RHOQ: variants seen among roughly 807,000 people sequenced by gnomAD.
RHOQ encodes ras homolog family member Q.
Under a neutral mutation model 25.8 loss-of-function variants are expected in RHOQ, and 7 were observed. The observed-to-expected ratio is 0.27, with a 90% CI of 0.15 to 0.51. The LOEUF (loss-of-function observed/expected upper bound fraction) is 0.51. Ranked by LOEUF, RHOQ falls within the 20% of genes least tolerant of loss-of-function variation. The pLI is 0.97. For missense variants in RHOQ, 165 were observed against 260.6 expected, an observed-to-expected ratio of 0.63 and a Z score of 2.53; for synonymous variants, 97 against 98.6, an observed-to-expected ratio of 0.98 and a Z score of 0.10.
At chr2:46,563,557 G>A (rs367642074) in intron 2 of RHOQ, among the ~76,000 whole-genome samples, 195 of 152,310 alleles carry the variant, frequency 1.3e-3, no homozygotes, top group African/African-American at 4.5e-3. Flanking sequence ...AGGCAGGGGA[G>A]GGGAGGGCAT....
chr2:46,577,228 T>C (rs1239139597), intron 4 of RHOQ: 1 of 152,170 alleles, frequency 6.6e-6, no homozygotes, highest in Non-Finnish European at 1.5e-5. Context: ...TCTAAAAATA[T>C]ATGTAACAGT....
intron 2 of RHOQ, among the ~76,000 whole-genome samples, chr2:46,561,648 G>A (rs1350190871): frequency 1.3e-5 from 2 of 151,928 alleles, no homozygotes; most frequent in Admixed American, 6.6e-5. Flanking sequence ...TTTGTCAAGG[G>A]CAGATGTATT....
chr2:46,543,640 C>A, intron 1 of RHOQ, 114 bp from the exon 2 acceptor site: 1 of 845,408 alleles, frequency 1.2e-6, no homozygotes, highest in Non-Finnish European at 1.9e-6. Flanking sequence ...TCGCGGGGAG[C>A]GCCCCCACGC....
At chr2:46,563,419 A>G (rs541424592) in intron 2 of RHOQ, among the ~76,000 whole-genome samples, 1 of 152,318 alleles carries the variant, frequency 6.6e-6, no homozygotes, top group East Asian at 1.9e-4. Context: ...GTAAAGTTAC[A>G]TAGGCTGTAG....
chr2:46,562,446 C>T (rs879342052), intron 2 of RHOQ, among the ~76,000 whole-genome samples: 4 of 152,230 alleles, frequency 2.6e-5, no homozygotes, highest in Non-Finnish European at 5.9e-5. Context: ...TCTATCTGTA[C>T]TGTTGCTTCT....
Position 46,582,965 on chromosome 2 carries a change from A to G in RHOQ, c.*1882A>G, listed in dbSNP as rs1039440059. 1 of 152,202 alleles carries G rather than the reference A, an allele frequency of 6.6e-6. No homozygotes were observed. Among genetic ancestry groups the G allele is most frequent in the Non-Finnish European group, 1.5e-5 (1 of 68,004 alleles). The allele number at this position is 152,202 out of a possible 1,614,324, so 9.4% of individuals were successfully genotyped here. ...AGTATCATGGCCTTATGTATGCTCA[A>G]ATGGAATCTTATGTAACTTTCTTAT... On this transcript the variant is annotated 3_prime_UTR_variant, in exon 5 of 5. Coordinates refer to ENST00000238738, the MANE Select transcript of RHOQ (RefSeq NM_012249.4).
chr2:46,563,853 A>G lies in RHOQ; in HGVS notation c.202-12234A>G, dbSNP rs537373895. 7.3e-5 allele frequency among the ~76,000 whole-genome samples: 11 copies of G among 151,688 alleles called. No individual in the cohort carries two copies. In the South Asian group the frequency reaches 1.5e-3, roughly 20 times the overall value. On this transcript the variant is annotated intron_variant, in intron 2 of 4. Transcript: ENST00000238738. Reference sequence around the variant, plus strand: ...TTCTTAATGGAGACAGGGTCTCCCTATGTTGCCCAGGCTGGTCTCAAACTG... The same window carrying G: ...TTCTTAATGGAGACAGGGTCTCCCTGTGTTGCCCAGGCTGGTCTCAAACTG...
chr2:46,560,840 G>A (rs539173669), intron 2 of RHOQ, among the ~76,000 whole-genome samples: 1 of 152,244 alleles, frequency 6.6e-6, no homozygotes, highest in South Asian at 2.1e-4. Context: ...TTACATTGCA[G>A]TCACCTTGAT....
In RHOQ at chr2:46,555,762, T is replaced by A. The variant is rs991455331; in HGVS notation, c.201+11950T>A. On this transcript the variant is annotated intron_variant, in intron 2 of 4. Coordinates refer to ENST00000238738, the MANE Select transcript of RHOQ (RefSeq NM_012249.4). This position sits in a 1 kb window ranked among gnomAD's most constrained non-coding sequence, Gnocchi z 4.3. The stretch of plus-strand genomic sequence containing the variant: ...TGTCAGGTGTGCTTCCAGAGTGGCC[T>A]GTGGCCCTCTGTGATAAGTCGGTAG... Among the ~76,000 whole-genome samples the A allele has an allele frequency of 1.3e-5, 2 of 152,212 alleles. No homozygotes were observed. The highest frequency in any genetic ancestry group is 4.8e-5 in the African/African-American group (2 of 41,456).
In RHOQ at chr2:46,546,466, A is replaced by ATATATG. The variant is rs1558680302; in HGVS notation, c.201+2659_201+2660insGTATAT. 4.4e-3 allele frequency among the ~76,000 whole-genome samples: 25 copies of ATATATG among 5,714 alleles called. 2 individuals are homozygous for ATATATG. Among genetic ancestry groups the ATATATG allele is most frequent in the Non-Finnish European group, 8.4e-3 (21 of 2,502 alleles). 3.7% of individuals were successfully genotyped at this position (5,714 alleles called of 152,430 possible). ...TACACATATACATATATATATATATATATATATGTGTATATATATATATAT... is the reference window on the plus strand; with the variant it reads ...TACACATATACATATATATATATATATATATGTATATATGTGTATATATATATATAT... On this transcript the variant is annotated intron_variant, in intron 2 of 4. Coordinates refer to ENST00000238738, the MANE Select transcript of RHOQ (RefSeq NM_012249.4).
At chr2:46,543,275 C>T in intron 1 of RHOQ, 87 bp downstream of exon 1, 1 of 1,473,398 alleles carries the variant, frequency 6.8e-7, no homozygotes, top group Non-Finnish European at 9.4e-7. Context: ...GCCGCCTCCC[C>T]AGAGCGCACT....
At chr2:46,575,881 T>C (rs983789383) in intron 2 of RHOQ, among the ~76,000 whole-genome samples, 2 of 152,232 alleles carry the variant, frequency 1.3e-5, no homozygotes, top group African/African-American at 4.8e-5. Context: ...GTTAATGATA[T>C]TGTCATTTTT....
chr2:46,577,839 G>A (rs545907393), intron 4 of RHOQ, among the ~76,000 whole-genome samples: 1 of 152,046 alleles, frequency 6.6e-6, no homozygotes, highest in South Asian at 2.1e-4. Flanking sequence ...GAAATTCCAT[G>A]TATTCAGTTT....
intron 2 of RHOQ, among the ~76,000 whole-genome samples, chr2:46,574,420 T>C (rs931592840): frequency 2.0e-5 from 3 of 152,102 alleles, no homozygotes; most frequent in African/African-American, 7.2e-5. Flanking sequence ...TCAATTGTAC[T>C]GTTTAACACA....
At chr2:46,557,966 G>A (rs913126066) in intron 2 of RHOQ, among the ~76,000 whole-genome samples, 2 of 152,190 alleles carry the variant, frequency 1.3e-5, no homozygotes, top group African/African-American at 4.8e-5. Flanking sequence ...GAGCCATGTA[G>A]TGTACTATGA....
rs1668058762 is a variant in RHOQ, at chr2:46,546,478, A to ATATATATATATATATATG, written c.201+2683_201+2684insGTATATATATATATATAT. ...TATATATATATATATATATATGTGT[A>ATATATATATATATATATG]TATATATATATATATATATATATAT... On this transcript the variant is annotated intron_variant, in intron 2 of 4. Transcript: ENST00000238738. Among the ~76,000 whole-genome samples the ATATATATATATATATATG allele has an allele frequency of 3.5e-4, 4 of 11,440 alleles. 1 individual carries two copies. The highest frequency in any genetic ancestry group is 6.3e-4 in the Non-Finnish European group (4 of 6,374). The allele number at this position is 11,440 out of a possible 152,430, so 7.5% of individuals were successfully genotyped here. A position where few individuals can be genotyped will look rare whatever the true frequency, so the allele number is the denominator to read the frequency against.
chr2:46,560,378 A>G (rs950447654), intron 2 of RHOQ: 1 of 311,520 alleles, frequency 3.2e-6, no homozygotes, highest in Admixed American at 4.0e-5. Flanking sequence ...AGATAAATGC[A>G]TACGTTCAGT....
In RHOQ at chr2:46,576,391, T is replaced by G; in HGVS notation, c.366+140T>G. 1.0e-6 allele frequency: 1 copy of G among 956,814 alleles called. No homozygotes were observed. The highest frequency in any genetic ancestry group is 1.6e-6 in the Non-Finnish European group (1 of 642,258). The allele number at this position is 956,814 out of a possible 1,614,324, so 59.3% of individuals were successfully genotyped here. On this transcript the variant is annotated intron_variant, in intron 3 of 4. Coordinates refer to ENST00000238738, the MANE Select transcript of RHOQ (RefSeq NM_012249.4). This position sits in a 1 kb window ranked among gnomAD's most constrained non-coding sequence, Gnocchi z 5.1. ...CTGCAAGTTAATGAGTTCTATCATATTTTTGGAAAAAATTGTGCCAAAAGA... is the reference window on the plus strand; with the variant it reads ...CTGCAAGTTAATGAGTTCTATCATAGTTTTGGAAAAAATTGTGCCAAAAGA...
At chr2:46,564,453 C>T (rs972659724) in intron 2 of RHOQ, among the ~76,000 whole-genome samples, 1 of 152,234 alleles carries the variant, frequency 6.6e-6, no homozygotes, top group African/African-American at 2.4e-5. Context: ...AGGGCCTGTT[C>T]TGTGCAAGCA....
Sources: allele counts gnomAD v4.1 joint callset (sites outside exome capture counted in the v4.1 genomes callset), GRCh38; gene constraint gnomAD v4.1.1; non-coding constraint Gnocchi (gnomAD v3.1); transcripts MANE v1.5; gene names NCBI Gene and HGNC (gene_info 2026-07-23, HGNC 2026-07-21).